RGS17: variants seen among roughly 807,000 people sequenced by gnomAD.
RGS17 encodes the protein regulator of G protein signaling 17.
RGS17 carries 12 observed loss-of-function variants against 25.5 expected under a neutral mutation model. The ratio of observed to expected loss-of-function variants is 0.47; its 90% CI spans 0.30 to 0.76. The LOEUF is 0.76. Ranked by LOEUF, RGS17 falls within the 30% of genes least tolerant of loss-of-function variation. The pLI is 0.07. For synonymous variants in RGS17, 71 were observed against 76.9 expected (o/e 0.92, Z 0.40); for missense variants, 196 against 242.2 (o/e 0.81, Z 1.27).
At chr6:153,044,798 T>C (rs1776368258) in intron 1 of RGS17, among the ~76,000 whole-genome samples, 1 of 152,216 alleles carries the variant, frequency 6.6e-6, no homozygotes, top group South Asian at 2.1e-4. Flanking sequence ...GAATGTCCTA[T>C]CTGTGATCTT....
intron 1 of RGS17, among the ~76,000 whole-genome samples, chr6:153,069,560 G>T (rs2129116728): frequency 6.6e-6 from 1 of 152,264 alleles, no homozygotes; most frequent in East Asian, 1.9e-4. Context: ...GCACAACAGT[G>T]TGACTGTAGT....
At chr6:153,031,787 T>TC (rs1779366368) in intron 2 of RGS17, among the ~76,000 whole-genome samples, 1 of 152,206 alleles carries the variant, frequency 6.6e-6, no homozygotes, top group Admixed American at 6.5e-5. Context: ...CTAAGTATCA[T>TC]CCCACAGCTA....
intron 1 of RGS17, among the ~76,000 whole-genome samples, chr6:153,049,593 T>C (rs923388951): frequency 2.0e-5 from 3 of 151,766 alleles, no homozygotes; most frequent in South Asian, 4.2e-4. Flanking sequence ...CTACTAAAAA[T>C]ACAAAAAATT....
In RGS17 at chr6:153,071,369, G is replaced by A. The variant is rs1053490549; in HGVS notation, c.-25-27326C>T. On this transcript the variant is annotated intron_variant, in intron 1 of 4. Transcript: ENST00000206262. The stretch of plus-strand genomic sequence containing the variant: ...TTGGCTCTCATCAGCTATTCATATT[G>A]TCATCATAATTCCTACTTCATCCAT... Among the ~76,000 whole-genome samples the A allele has an allele frequency of 2.0e-5, 3 of 151,992 alleles. No homozygotes were observed. In the South Asian group the frequency reaches 6.2e-4, roughly 32 times the overall value.
chr6:153,115,595 A>G (rs1777532509), intron 1 of RGS17, among the ~76,000 whole-genome samples: 1 of 152,196 alleles, frequency 6.6e-6, no homozygotes, highest in Admixed American at 6.5e-5. Context: ...ATATGGAACC[A>G]AAAAAGAGCC....
chr6:153,066,541 A>C (rs1776710253), intron 1 of RGS17, among the ~76,000 whole-genome samples: 1 of 152,160 alleles, frequency 6.6e-6, no homozygotes, highest in Non-Finnish European at 1.5e-5. Context: ...AGACACATCA[A>C]AAAAAGAAAA....
At chr6:153,016,397 G>C (rs1421203086) in intron 4 of RGS17, among the ~76,000 whole-genome samples, 4 of 152,064 alleles carry the variant, frequency 2.6e-5, no homozygotes, top group African/African-American at 4.8e-5. Context: ...TCAAACTTGA[G>C]AAAACTTTTT....
chr6:153,082,281 T>C (rs1197651573), intron 1 of RGS17, among the ~76,000 whole-genome samples: 1 of 152,202 alleles, frequency 6.6e-6, no homozygotes, highest in African/African-American at 2.4e-5. Context: ...AACTGTTGGC[T>C]ATTAGTTCTT....
chr6:153,056,437 T>C (rs1211407334), intron 1 of RGS17, among the ~76,000 whole-genome samples: 1 of 152,144 alleles, frequency 6.6e-6, no homozygotes, highest in Non-Finnish European at 1.5e-5. Flanking sequence ...ATAGAAGCAA[T>C]AGAAAGACTC....
chr6:153,081,992 C>T (rs968510608), intron 1 of RGS17, among the ~76,000 whole-genome samples: 3 of 152,094 alleles, frequency 2.0e-5, no homozygotes, highest in Non-Finnish European at 2.9e-5. Flanking sequence ...CAATCTTGAA[C>T]GATAGATTGG....
chr6:153,075,292 G>C (rs955312613), intron 1 of RGS17, among the ~76,000 whole-genome samples: 14 of 152,272 alleles, frequency 9.2e-5, no homozygotes, highest in African/African-American at 3.4e-4. Context: ...AGTTGCATCT[G>C]AACTAGGGAG....
chr6:153,101,075 T>A (rs1777295743), intron 1 of RGS17, among the ~76,000 whole-genome samples: 1 of 152,196 alleles, frequency 6.6e-6, no homozygotes, highest in Non-Finnish European at 1.5e-5. Flanking sequence ...TTGGCTATCG[T>A]ATTGCTTTTA....
intron 1 of RGS17, among the ~76,000 whole-genome samples, chr6:153,117,180 T>G (rs1355976824): frequency 6.6e-6 from 1 of 152,130 alleles, no homozygotes; most frequent in Non-Finnish European, 1.5e-5. Flanking sequence ...TCAAGAAACT[T>G]ACAATCATGG....
At chr6:153,072,972 C>G (rs1776827750) in intron 1 of RGS17, among the ~76,000 whole-genome samples, 1 of 152,114 alleles carries the variant, frequency 6.6e-6, no homozygotes, top group South Asian at 2.1e-4. Context: ...ATAACTAAAG[C>G]TTTACAAACT....
chr6:153,097,258 C>T lies in RGS17; in HGVS notation c.-26+33866G>A, dbSNP rs192613408. On this transcript the variant is annotated intron_variant, in intron 1 of 4. Coordinates refer to ENST00000206262, the MANE Select transcript of RGS17 (RefSeq NM_012419.5). ...ATGGTTATTGAACAACCATTATGTG[C>T]TTGGTAGGGCTTAGACAATAGCGTT... Among the ~76,000 whole-genome samples, 6 of 140,788 alleles carry T rather than the reference C, an allele frequency of 4.3e-5. No homozygotes were observed. In the East Asian group the frequency reaches 1.0e-3, roughly 24 times the overall value. The allele number at this position is 140,788 out of a possible 152,430, so 92.4% of individuals were successfully genotyped here. A position where few individuals can be genotyped will look rare whatever the true frequency, so the allele number is the denominator to read the frequency against.
Position 153,004,494 on chromosome 6 carries a change from TAAGA to T in RGS17, c.*7076_*7079del, listed in dbSNP as rs1779051806. The T allele has an allele frequency of 1.3e-5, 2 of 152,184 alleles. No homozygotes were observed. Among genetic ancestry groups the T allele is most frequent in the Non-Finnish European group, 2.9e-5 (2 of 68,012 alleles). 9.4% of individuals were successfully genotyped at this position (152,184 alleles called of 1,614,324 possible). On this transcript the variant is annotated 3_prime_UTR_variant, in exon 5 of 5. Coordinates refer to ENST00000206262, the MANE Select transcript of RGS17 (RefSeq NM_012419.5). ...AATTCTTTATTAATTCAAAACATTT[TAAGA>T]AAGTCAGTGTAATGCATATGCATTT... is the stretch of plus-strand genomic sequence containing the variant.
chr6:153,054,512 A>G lies in RGS17; in HGVS notation c.-25-10469T>C, dbSNP rs7768981. ...CTAAAAATACAAAAATTAGCCAGGC[A>G]TGGTGGCGGGAGCCTGTGACCCCAG... On this transcript the variant is annotated intron_variant, in intron 1 of 4. Transcript: ENST00000206262. 7.1e-3 allele frequency among the ~76,000 whole-genome samples: 1,074 copies of G among 151,984 alleles called. 14 individuals carry two copies. Among genetic ancestry groups the G allele is most frequent in the African/African-American group, 0.025 (1,034 of 41,474 alleles).
intron 1 of RGS17, among the ~76,000 whole-genome samples, chr6:153,062,937 G>A (rs1339113878): frequency 1.3e-5 from 2 of 152,120 alleles, no homozygotes; most frequent in Non-Finnish European, 2.9e-5. Context: ...GTCCTGGCAG[G>A]ATTCATCACC....
chr6:153,051,099 C>T (rs1776456462), intron 1 of RGS17, among the ~76,000 whole-genome samples: 5 of 152,184 alleles, frequency 3.3e-5, no homozygotes, highest in Admixed American at 3.3e-4. Context: ...TTCCAGCCCC[C>T]AGAACTGTGA....
Sources: allele counts gnomAD v4.1 joint callset (sites outside exome capture counted in the v4.1 genomes callset), GRCh38; gene constraint gnomAD v4.1.1; transcripts MANE v1.5; gene names NCBI Gene and HGNC (gene_info 2026-07-23, HGNC 2026-07-21).